BCLAF1: variants seen among roughly 807,000 people sequenced by gnomAD.
BCLAF1 encodes BCL2 associated transcription factor 1, also known as bcl-2-associated transcription factor 1.
Under a neutral mutation model 99.5 loss-of-function variants are expected in BCLAF1, and 10 were observed. The observed-to-expected ratio is 0.10, with a 90% CI of 0.06 to 0.17. The LOEUF (loss-of-function observed/expected upper bound fraction) is 0.17, where lower values mean the gene tolerates loss of function less well. Ranked by LOEUF, BCLAF1 falls within the 10% of genes least tolerant of loss-of-function variation. The pLI, the probability that BCLAF1 is intolerant of heterozygous loss-of-function variation, is 1.00. For missense variants in BCLAF1, 636 were observed against 1,105.8 expected (o/e 0.58, Z 6.02); for synonymous variants, 255 against 370.9 (o/e 0.69, Z 3.59).
Position 136,258,436 on chromosome 6 carries a change from A to T in BCLAF1, c.*2674T>A, listed in dbSNP as rs1221054718. 1 of 152,318 alleles carries T rather than the reference A, an allele frequency of 6.6e-6. No homozygotes were observed. Among genetic ancestry groups the T allele is most frequent in the Non-Finnish European group, 1.5e-5 (1 of 67,934 alleles). 9.4% of individuals were successfully genotyped at this position (152,318 alleles called of 1,614,324 possible). On this transcript the variant is annotated 3_prime_UTR_variant, in exon 13 of 13. Coordinates refer to ENST00000531224, the MANE Select transcript of BCLAF1 (RefSeq NM_014739.3). ...CAAAAACAAAAACAAGACAAAACAA[A>T]AAAACAGTAAAGAAAGGTTTGAGGG...
intron 6 of BCLAF1, chr6:136,273,888 C>T (rs1782897551): frequency 1.2e-6 from 1 of 855,390 alleles, no homozygotes; most frequent in Non-Finnish European, 1.5e-6. Flanking sequence ...CGTATAAAGT[C>T]ATGAGCTATG....
intron 3 of BCLAF1, 138 bp from the exon 4 acceptor site, chr6:136,278,914 G>T: frequency 1.2e-6 from 1 of 840,982 alleles, no homozygotes; most frequent in Non-Finnish European, 1.7e-6. Context: ...CTGTACAAAA[G>T]TTAATGGTTT....
Position 136,274,208 on chromosome 6 carries a change from A to G in BCLAF1, c.1853-1021T>C, listed in dbSNP as rs1191375778. 4 of 1,261,614 alleles carry G rather than the reference A, an allele frequency of 3.2e-6. No individual in the cohort carries two copies. In the Admixed American group the frequency reaches 6.9e-5, roughly 22 times the overall value. 78.2% of individuals were successfully genotyped at this position (1,261,614 alleles called of 1,614,324 possible). A position where few individuals can be genotyped will look rare whatever the true frequency, so the allele number is the denominator to read the frequency against. On this transcript the variant is annotated intron_variant, in intron 6 of 12. Transcript: ENST00000531224. The stretch of plus-strand genomic sequence containing the variant: ...CCAGGACCTAGTTACAATGAAAAAG[A>G]AAACATCACTGGGCATTTTCAGCTC...
At chr6:136,266,938 T>C in intron 11 of BCLAF1, 91 bp downstream of exon 11, 3 of 1,441,368 alleles carry the variant, frequency 2.1e-6, no homozygotes, top group Non-Finnish European at 2.8e-6. Flanking sequence ...TGAATCTTCT[T>C]ATAGTAGTGG....
chr6:136,287,132 T>C (rs1029848622), intron 1 of BCLAF1, among the ~76,000 whole-genome samples: 5 of 149,648 alleles, frequency 3.3e-5, no homozygotes. Flanking sequence ...AGAGCAAGAC[T>C]GTGTCTCAAG....
chr6:136,288,103 G>A (rs1357808055), intron 1 of BCLAF1, among the ~76,000 whole-genome samples: 1 of 152,216 alleles, frequency 6.6e-6, no homozygotes, highest in Non-Finnish European at 1.5e-5. Context: ...TACTACCACT[G>A]TTCCTCAAAG....
At chr6:136,272,768 T>C (rs1346083020) in intron 7 of BCLAF1, among the ~76,000 whole-genome samples, 2 of 151,898 alleles carry the variant, frequency 1.3e-5, no homozygotes, top group African/African-American at 4.8e-5. Flanking sequence ...TTATTTCACA[T>C]TTATTTCACT....
chr6:136,272,984 G>C (rs904470786), intron 7 of BCLAF1, 98 bp downstream of exon 7: 1 of 750,048 alleles, frequency 1.3e-6, no homozygotes, highest in African/African-American at 1.8e-5. Flanking sequence ...AATAATACTT[G>C]TATCAATGAC....
At chr6:136,264,613 T>C (rs1781468681) in intron 11 of BCLAF1, among the ~76,000 whole-genome samples, 1 of 152,238 alleles carries the variant, frequency 6.6e-6, no homozygotes, top group African/African-American at 2.4e-5. Flanking sequence ...AGACTTTTCT[T>C]CTGAATCATA....
intron 9 of BCLAF1, chr6:136,269,028 T>TCC: frequency 2.6e-6 from 2 of 769,390 alleles, no homozygotes; most frequent in Admixed American, 5.0e-5. Flanking sequence ...TAGTCCTTCC[T>TCC]CCCCCCCATC....
At chr6:136,286,724 T>C (rs555920632) in intron 1 of BCLAF1, among the ~76,000 whole-genome samples, 1 of 152,224 alleles carries the variant, frequency 6.6e-6, no homozygotes, top group Admixed American at 6.5e-5. Context: ...TCCCAACACT[T>C]TGGGAGGGCG....
chr6:136,271,525 C>A (rs1228483550), intron 8 of BCLAF1, among the ~76,000 whole-genome samples: 1 of 151,862 alleles, frequency 6.6e-6, no homozygotes, highest in Non-Finnish European at 1.5e-5. Flanking sequence ...TCCAAACGTT[C>A]ATTTGTAAAC....
chr6:136,264,984 A>G (rs1396500683), intron 11 of BCLAF1, among the ~76,000 whole-genome samples: 1 of 152,226 alleles, frequency 6.6e-6, no homozygotes, highest in African/African-American at 2.4e-5. Flanking sequence ...ATGAGTATGT[A>G]CTTGTTAAGG....
At chr6:136,270,044 T>C (rs924222822) in intron 8 of BCLAF1, 3 of 152,300 alleles carry the variant, frequency 2.0e-5, no homozygotes, top group Non-Finnish European at 4.4e-5. Context: ...ATAAAAGAGA[T>C]CCTAACATAA....
In BCLAF1 at chr6:136,260,605, AC is replaced by A. The variant is rs1245868836; in HGVS notation, c.*504del. ...ACTAGCTTAGTTTACCATAGTAACA[AC>A]TTTTTGTCTGTGGTATACTTCAAAA... On this transcript the variant is annotated 3_prime_UTR_variant, in exon 13 of 13. Coordinates refer to ENST00000531224, the MANE Select transcript of BCLAF1 (RefSeq NM_014739.3). 6.4e-6 allele frequency: 1 copy of A among 156,310 alleles called. No individual in the cohort carries two copies. Among genetic ancestry groups the A allele is most frequent in the Admixed American group, 6.5e-5 (1 of 15,334 alleles). 9.7% of individuals were successfully genotyped at this position (156,310 alleles called of 1,614,324 possible).
intron 4 of BCLAF1, 27 bp downstream of exon 4, chr6:136,277,838 A>G (rs750350948): frequency 3.1e-6 from 5 of 1,590,632 alleles, no homozygotes; most frequent in Non-Finnish European, 4.3e-6. Flanking sequence ...CAATATTATA[A>G]TCTAGATTCT....
chr6:136,273,796 A>C (rs17065419), intron 6 of BCLAF1, among the ~76,000 whole-genome samples: 2,410 of 152,160 alleles, frequency 0.016, 32 homozygotes, highest in Non-Finnish European at 0.026. Context: ...GTCTCTCTTT[A>C]AACAATTTTC....
intron 11 of BCLAF1, among the ~76,000 whole-genome samples, chr6:136,264,649 C>T (rs1454061779): frequency 6.6e-6 from 1 of 152,134 alleles, no homozygotes; most frequent in Non-Finnish European, 1.5e-5. Flanking sequence ...CCTCAACATT[C>T]CTTTACATAT....
chr6:136,274,325 A>G (rs1782953714), intron 6 of BCLAF1: 1 of 315,530 alleles, frequency 3.2e-6, no homozygotes, highest in Non-Finnish European at 5.2e-6. Flanking sequence ...GAAAAAAGAA[A>G]AAGGAAAAAA....
Sources: allele counts gnomAD v4.1 joint callset (sites outside exome capture counted in the v4.1 genomes callset), GRCh38; gene constraint gnomAD v4.1.1; transcripts MANE v1.5; gene names NCBI Gene and HGNC (gene_info 2026-07-23, HGNC 2026-07-21).